TMEM94: variants seen among roughly 807,000 people sequenced by gnomAD.
The protein encoded by TMEM94 is ER Mg2+ ATPase.
TMEM94 carries 81 observed loss-of-function variants against 158.6 expected under a neutral mutation model. That is an observed-to-expected ratio of 0.51 (90% CI 0.43 to 0.61). The LOEUF is 0.61. Ranked by LOEUF, TMEM94 falls within the 20% of genes least tolerant of loss-of-function variation. The pLI, the probability that TMEM94 is intolerant of heterozygous loss-of-function variation, is 0.00. For missense variants in TMEM94, 1,435 were observed against 1,762.0 expected (o/e 0.81, Z 3.32); for synonymous variants, 751 against 730.7 (o/e 1.03, Z -0.45).
chr17:75,462,001 G>GTTTTTTTTTTTTTTTTTTTTTTTT lies in TMEM94; in HGVS notation c.-107+5254_-107+5255insTTTTTTTTTTTTTTTTTTTTTTTT, dbSNP rs1230233393. 1.1e-4 allele frequency among the ~76,000 whole-genome samples: 9 copies of GTTTTTTTTTTTTTTTTTTTTTTTT among 85,662 alleles called. 2 individuals carry two copies. The highest frequency in any genetic ancestry group is 2.9e-4 in the East Asian group (1 of 3,444). The allele number at this position is 85,662 out of a possible 152,430, so 56.2% of individuals were successfully genotyped here. A position where few individuals can be genotyped will look rare whatever the true frequency, so the allele number is the denominator to read the frequency against. On this transcript the variant is annotated intron_variant, in intron 1 of 31. Coordinates refer to ENST00000314256, the MANE Select transcript of TMEM94 (RefSeq NM_014738.6). The stretch of plus-strand genomic sequence containing the variant: ...TAAATTTTACAGTTTTTTTTGTTTT[G>GTTTTTTTTTTTTTTTTTTTTTTTT]TTTTGTTTTGTTTTTTTTTTTTTTG...
At chr17:75,493,432 G>A in intron 16 of TMEM94, 59 bp from the exon 17 acceptor site, 6 of 1,543,988 alleles carry the variant, frequency 3.9e-6, no homozygotes, top group Non-Finnish European at 5.4e-6. Flanking sequence ...TGCGTTGCCT[G>A]TCAGGTCAGC....
chr17:75,462,475 C>G (rs1456050590), intron 1 of TMEM94, among the ~76,000 whole-genome samples: 1 of 151,728 alleles, frequency 6.6e-6, no homozygotes. Flanking sequence ...CATAATTTCT[C>G]AGCTTCTGCT....
intron 1 of TMEM94, among the ~76,000 whole-genome samples, chr17:75,470,417 C>G (rs1217115890): frequency 6.6e-6 from 1 of 151,906 alleles, no homozygotes; most frequent in Non-Finnish European, 1.5e-5. Context: ...GAGTTCAAGA[C>G]CAGCCTGGCT....
rs373468252 is a variant in TMEM94, at chr17:75,498,405, C to G, written c.3639-39C>G. ...CTCCCCACCCCAGCCTACCTCCCTG[C>G]GGCCCTAGAGGGGCTGAGCCCATGC... On this transcript the variant is annotated intron_variant, in intron 28 of 31. Coordinates refer to ENST00000314256, the MANE Select transcript of TMEM94 (RefSeq NM_014738.6). This position sits in a 1 kb window ranked among gnomAD's most constrained non-coding sequence, Gnocchi z 6.7. 3 of 1,607,642 alleles carry G rather than the reference C, an allele frequency of 1.9e-6. No individual in the cohort carries two copies.
chr17:75,459,467 C>T (rs540320652), intron 1 of TMEM94, among the ~76,000 whole-genome samples: 2 of 152,188 alleles, frequency 1.3e-5, no homozygotes, highest in Admixed American at 1.3e-4. Flanking sequence ...TGTGCCAGCT[C>T]CTAGTGCTGA....
intron 1 of TMEM94, among the ~76,000 whole-genome samples, chr17:75,461,072 C>T (rs1219534107): frequency 6.9e-6 from 1 of 144,428 alleles, no homozygotes; most frequent in Non-Finnish European, 1.5e-5. Context: ...AATCATACAA[C>T]ATTTGTCCTT....
intron 1 of TMEM94, among the ~76,000 whole-genome samples, chr17:75,463,665 T>G (rs182652388): frequency 2.1e-4 from 32 of 152,322 alleles, no homozygotes; most frequent in Admixed American, 1.9e-3. Flanking sequence ...TACAGTAGTT[T>G]TTGAACCTAA....
intron 1 of TMEM94, among the ~76,000 whole-genome samples, chr17:75,468,173 G>A (rs1178105370): frequency 6.6e-6 from 1 of 152,144 alleles, no homozygotes; most frequent in African/African-American, 2.4e-5. Flanking sequence ...AATGGGCTAG[G>A]AGCAGAACTG....
intron 2 of TMEM94, among the ~76,000 whole-genome samples, chr17:75,479,943 T>A (rs2051028237): frequency 6.6e-6 from 1 of 151,560 alleles, no homozygotes; most frequent in African/African-American, 2.4e-5. Context: ...CAACCCTATC[T>A]GGGCTTGGTG....
chr17:75,469,400 A>C (rs2050418490), intron 1 of TMEM94, among the ~76,000 whole-genome samples: 1 of 146,622 alleles, frequency 6.8e-6, no homozygotes, highest in Admixed American at 6.9e-5. Flanking sequence ...ACTGGAGTGC[A>C]GTGGCGCAAT....
intron 1 of TMEM94, among the ~76,000 whole-genome samples, chr17:75,470,527 A>G (rs1360988732): frequency 2.0e-5 from 3 of 151,906 alleles, no homozygotes; most frequent in Non-Finnish European, 4.4e-5. Flanking sequence ...AACACGGTGA[A>G]ACCCCATCTC....
chr17:75,476,664 A>C (rs763520662), intron 2 of TMEM94: 77 of 1,534,922 alleles, frequency 5.0e-5, no homozygotes, highest in Non-Finnish European at 6.5e-5. Context: ...CTTGCAGCTG[A>C]CTGCTTGTGG....
chr17:75,457,983 G>A (rs775239939), intron 1 of TMEM94, among the ~76,000 whole-genome samples: 6 of 152,100 alleles, frequency 3.9e-5, no homozygotes, highest in Non-Finnish European at 8.8e-5. Context: ...CAATGACTAG[G>A]GTCTTCATAC....
rs775346302 is a variant in TMEM94 at position 75,494,728 on chromosome 17, A to G, written c.2509A>G (p.Ile837Val). ...VSSQYQARLDIVRLIDGLVNA... is the reference protein window; with the variant it reads ...VSSQYQARLDVVRLIDGLVNA... Reference sequence around the variant, plus strand: ...CTCCCAGTACCAGGCCCGGCTGGACATCGTGCGCCTCATTGATGGGCTTGT... The same window carrying G: ...CTCCCAGTACCAGGCCCGGCTGGACGTCGTGCGCCTCATTGATGGGCTTGT... The change falls in exon 19 of 32, where the codon ATC (isoleucine) becomes GTC (valine). Residue 837 changes from isoleucine (I) to valine (V), a missense_variant. Transcript: ENST00000314256. 3 of 1,613,768 alleles carry G rather than the reference A, an allele frequency of 1.9e-6. No individual in the cohort carries two copies. The highest frequency in any genetic ancestry group is 4.5e-5 in the East Asian group (2 of 44,894).
intron 6 of TMEM94, 103 bp downstream of exon 6, chr17:75,488,237 A>G: frequency 8.6e-7 from 1 of 1,157,682 alleles, no homozygotes. Flanking sequence ...CGGCCAGCTT[A>G]CTGGCTTTTT....
chr17:75,492,465 T>C lies in TMEM94; in HGVS notation c.1597-9T>C, dbSNP rs551759862. The C allele has an allele frequency of 2.0e-5, 32 of 1,564,526 alleles. No individual in the cohort carries two copies. The South Asian group carries it at 2.3e-4, about 11-fold the overall frequency. ...CCCGGGCTGAGGCTCTCCTCCACAT[T>C]TCCCCCAGACCCAGCCTGGGATGGA... On this transcript the variant is annotated splice_polypyrimidine_tract_variant and intron_variant, in intron 14 of 31. Coordinates refer to ENST00000314256, the MANE Select transcript of TMEM94 (RefSeq NM_014738.6). This position sits in a 1 kb window ranked among gnomAD's most constrained non-coding sequence, Gnocchi z 4.4.
chr17:75,468,736 G>A (rs1244495886), intron 1 of TMEM94, among the ~76,000 whole-genome samples: 1 of 152,216 alleles, frequency 6.6e-6, no homozygotes, highest in African/African-American at 2.4e-5. Flanking sequence ...CGGGGTTTTG[G>A]AGTGGAGTTG....
chr17:75,476,389 C>T, intron 2 of TMEM94: 1 of 698,882 alleles, frequency 1.4e-6, no homozygotes, highest in Non-Finnish European at 2.1e-6. Flanking sequence ...CTTCTCAATG[C>T]TCCTGTTTCC....
rs2053020317 is a variant in TMEM94, at chr17:75,498,874, G to A, written c.3828-38G>A. ...CTGGGAAGAGCAGGGAAGGAAGCAA[G>A]CAGTGTCGGGTTCACACGGGGCCGC... is the stretch of plus-strand genomic sequence containing the variant. On this transcript the variant is annotated intron_variant, in intron 30 of 31. Transcript: ENST00000314256. The surrounding 1 kb of genome is among the most constrained non-coding windows in gnomAD (Gnocchi z 6.7). The A allele has an allele frequency of 1.3e-6, 2 of 1,527,634 alleles. No individual in the cohort carries two copies. The highest frequency in any genetic ancestry group is 1.4e-5 in the African/African-American group (1 of 72,620). The allele number at this position is 1,527,634 out of a possible 1,614,324, so 94.6% of individuals were successfully genotyped here.
Sources: gnomAD v4.1 joint callset for allele counts (sites outside exome capture counted in the v4.1 genomes callset) on GRCh38, gnomAD v4.1.1 for gene constraint, Gnocchi (gnomAD v3.1) non-coding constraint, MANE v1.5 for transcripts, NCBI Gene and HGNC (gene_info 2026-07-23, HGNC 2026-07-21) for gene names.